The following ADGRL2 variants were observed in gnomAD, a reference collection of about 807,000 sequenced individuals.
ADGRL2 encodes the protein adhesion G protein-coupled receptor L2, also known as calcium-independent alpha-latrotoxin receptor 2.
Under a neutral mutation model 157.4 loss-of-function variants are expected in ADGRL2, and 44 were observed. The observed-to-expected ratio is 0.28, with a 90% CI of 0.22 to 0.36. The LOEUF is 0.36. Ranked by LOEUF, ADGRL2 falls within the 10% of genes least tolerant of loss-of-function variation. ADGRL2 has a pLI of 1.00. For synonymous variants in ADGRL2, 585 were observed against 624.7 expected (o/e 0.94, Z 0.95); for missense variants, 1,510 against 1,768.9 (o/e 0.85, Z 2.63).
chr1:81,957,302 A>C (rs1653824650), intron 11 of ADGRL2, among the ~76,000 whole-genome samples: 1 of 152,172 alleles, frequency 6.6e-6, no homozygotes, highest in Non-Finnish European at 1.5e-5. Context: ...ACACACTGTA[A>C]TTATAGATCC....
chr1:81,479,586 C>T (rs2078343562), intron 2 of ADGRL2, among the ~76,000 whole-genome samples: 1 of 152,170 alleles, frequency 6.6e-6, no homozygotes, highest in Non-Finnish European at 1.5e-5. Context: ...ATTAAAATTA[C>T]TTCCTTTTTA....
At chr1:81,851,878 T>C (rs546586027) in intron 2 of ADGRL2, among the ~76,000 whole-genome samples, 1 of 152,024 alleles carries the variant, frequency 6.6e-6, no homozygotes, top group East Asian at 1.9e-4. Context: ...TAGTAAATTC[T>C]ATGTTTAGTA....
chr1:81,309,048 T>A (rs1254641280), intron 1 of ADGRL2, among the ~76,000 whole-genome samples: 2 of 152,124 alleles, frequency 1.3e-5, no homozygotes, highest in Non-Finnish European at 2.9e-5. Flanking sequence ...ATTATCATCT[T>A]AAAAGGATGC....
chr1:81,374,729 T>A (rs1433610817), intron 1 of ADGRL2, among the ~76,000 whole-genome samples: 1 of 152,208 alleles, frequency 6.6e-6, no homozygotes, highest in African/African-American at 2.4e-5. Context: ...GGCATGCATA[T>A]CCACTCTTTT....
At position 81,963,160 on chromosome 1, in the gene ADGRL2, C is replaced by T. The variant is rs565000298; in HGVS notation, c.2018-2898C>T. ...AAAAATCAGATTTGTTCCTAGACAA[C>T]TTATACTTCTTTTTTTTATTATAAA... On this transcript the variant is annotated intron_variant, in intron 11 of 23. Coordinates refer to ENST00000686636, the MANE Select transcript of ADGRL2 (RefSeq NM_001366006.2). 2.7e-5 allele frequency among the ~76,000 whole-genome samples: 3 copies of T among 109,094 alleles called. No individual in the cohort carries two copies. The South Asian group carries it at 1.1e-3, about 41-fold the overall frequency. 71.6% of individuals were successfully genotyped at this position (109,094 alleles called of 152,430 possible).
chr1:81,350,397 T>C (rs1662797968), intron 1 of ADGRL2, among the ~76,000 whole-genome samples: 1 of 152,190 alleles, frequency 6.6e-6, no homozygotes, highest in Non-Finnish European at 1.5e-5. Flanking sequence ...AAGAGTTGTG[T>C]TCTGTAAGCT....
At chr1:81,954,577 C>G (rs973316436) in intron 10 of ADGRL2, among the ~76,000 whole-genome samples, 2 of 152,136 alleles carry the variant, frequency 1.3e-5, no homozygotes, top group Non-Finnish European at 2.9e-5. Flanking sequence ...TTCTTGGTGA[C>G]TAATGAATCT....
At chr1:81,808,716 C>A (rs2149608213) in intron 1 of ADGRL2, among the ~76,000 whole-genome samples, 1 of 152,166 alleles carries the variant, frequency 6.6e-6, no homozygotes, top group East Asian at 1.9e-4. Context: ...GCAATTCTTA[C>A]TACTGATTCT....
At chr1:81,931,775 G>A (rs2095234863) in intron 3 of ADGRL2, among the ~76,000 whole-genome samples, 1 of 151,966 alleles carries the variant, frequency 6.6e-6, no homozygotes, top group Admixed American at 6.6e-5. Flanking sequence ...GGAACTACAG[G>A]CACATACCAC....
chr1:81,659,150 C>A (rs375831357), intron 3 of ADGRL2, among the ~76,000 whole-genome samples: 9 of 151,156 alleles, frequency 6.0e-5, no homozygotes, highest in Non-Finnish European at 1.2e-4. Context: ...CAACCTCCCC[C>A]TCCTGGGTTC....
At chr1:81,864,995 A>G (rs1329129628) in intron 2 of ADGRL2, among the ~76,000 whole-genome samples, 2 of 151,684 alleles carry the variant, frequency 1.3e-5, no homozygotes, top group Non-Finnish European at 2.9e-5. Context: ...CAAAAGAAAA[A>G]CCACCCCCAA....
At chr1:81,860,301 G>C (rs2093349632) in intron 2 of ADGRL2, among the ~76,000 whole-genome samples, 1 of 152,006 alleles carries the variant, frequency 6.6e-6, no homozygotes, top group Non-Finnish European at 1.5e-5. Context: ...TAATTCCTTT[G>C]AATTATTTTT....
intron 3 of ADGRL2, among the ~76,000 whole-genome samples, chr1:81,621,859 C>A (rs762462463): frequency 1.2e-5 from 1 of 85,346 alleles, no homozygotes; most frequent in Non-Finnish European, 2.1e-5. Flanking sequence ...CAAAGTCATG[C>A]TGCTATCTGG....
intron 1 of ADGRL2, among the ~76,000 whole-genome samples, chr1:81,829,143 C>A (rs906381105): frequency 6.6e-6 from 1 of 152,074 alleles, no homozygotes; most frequent in Non-Finnish European, 1.5e-5. Flanking sequence ...AACTCCTGAC[C>A]TCAGGCAATC....
intron 17 of ADGRL2, among the ~76,000 whole-genome samples, chr1:81,979,096 C>T (rs923212349): frequency 2.0e-5 from 3 of 151,768 alleles, no homozygotes; most frequent in Non-Finnish European, 4.4e-5. Flanking sequence ...AGTCAAAACA[C>T]AGCTCCTTTT....
At chr1:81,480,888 A>G (rs1302766172) in intron 2 of ADGRL2, among the ~76,000 whole-genome samples, 3 of 152,316 alleles carry the variant, frequency 2.0e-5, no homozygotes, top group Non-Finnish European at 2.9e-5. Flanking sequence ...TGTTGTGACA[A>G]TTTTATCAAC....
At chr1:81,575,014 T>C (rs61773224) in intron 2 of ADGRL2, among the ~76,000 whole-genome samples, 242 of 152,350 alleles carry the variant, frequency 1.6e-3, no homozygotes, top group Non-Finnish European at 2.4e-3. Context: ...TATGGCATTA[T>C]ACTTACCTCT....
rs146977928 is a variant in ADGRL2 at position 81,990,706 on chromosome 1, C to G, written c.3971C>G (p.Pro1324Arg). The change falls in exon 24 of 24, where the codon CCA (proline) becomes CGA (arginine). Residue 1324 changes from proline (P) to arginine (R), a missense_variant. Pro to Arg is a moderately radical substitution (Grantham distance 103, BLOSUM62 -2). Around this residue, in one of 4 missense-constraint regions of ADGRL2, gnomAD observed 327 missense variants for 310.1 expected, o/e 1.05. Coordinates refer to ENST00000686636, the MANE Select transcript of ADGRL2 (RefSeq NM_001366006.2). ...TCATCTTTAATGCACAGCGACAACC[C>G]AGGGCTGGAGCTCCATCACAAAGAA... ...DASSLMHSDN[P>R]GLELHHKELE... 3.6e-5 allele frequency: 58 copies of G among 1,613,940 alleles called. 1 individual carries two copies. The highest frequency in any genetic ancestry group is 4.7e-5 in the Non-Finnish European group (56 of 1,179,994).
At chr1:81,669,176 C>T (rs1220585166) in intron 3 of ADGRL2, among the ~76,000 whole-genome samples, 1 of 151,898 alleles carries the variant, frequency 6.6e-6, no homozygotes, top group African/African-American at 2.4e-5. Context: ...AACAAATACA[C>T]CTAAATTACA....
Sources: allele counts gnomAD v4.1 joint callset (sites outside exome capture counted in the v4.1 genomes callset), GRCh38; gene constraint gnomAD v4.1.1; regional missense constraint gnomAD v4.1.1; transcripts MANE v1.5; gene names NCBI Gene and HGNC (gene_info 2026-07-23, HGNC 2026-07-21).